Variants in CIB4 observed in about 807,000 individuals in gnomAD.
CIB4 encodes the protein calcium and integrin binding family member 4.
Under a neutral mutation model 25.8 loss-of-function variants are expected in CIB4, and 25 were observed. The observed-to-expected ratio is 0.97, with a 90% CI of 0.71 to 1.35. The LOEUF is 1.35. CIB4 is among the 40% of genes most tolerant of loss of function. The pLI, the probability that CIB4 is intolerant of heterozygous loss-of-function variation, is 0.00. For missense variants in CIB4, 235 were observed against 228.2 expected (o/e 1.03, Z -0.19); for synonymous variants, 75 against 81.4 (o/e 0.92, Z 0.42).
chr2:26,615,979 C>T (rs999803376), intron 3 of CIB4, among the ~76,000 whole-genome samples: 4 of 152,214 alleles, frequency 2.6e-5, no homozygotes, highest in East Asian at 1.9e-4. Context: ...TGGCATCAGG[C>T]GTCGGGACCC....
At chr2:26,588,982 TTC>T (rs879914206) in intron 4 of CIB4, among the ~76,000 whole-genome samples, 9,497 of 22,220 alleles carry the variant, frequency 0.43, 2,011 homozygotes, top group South Asian at 0.51. Flanking sequence ...TTCTTCTTTC[TTC>T]TTCTTCTTCT....
At chr2:26,616,220 T>G (rs182919244) in intron 3 of CIB4, among the ~76,000 whole-genome samples, 1 of 152,320 alleles carries the variant, frequency 6.6e-6, no homozygotes, top group East Asian at 1.9e-4. Context: ...TCTCAGGACT[T>G]CCTGGGGGCC....
intron 2 of CIB4, among the ~76,000 whole-genome samples, chr2:26,633,976 C>T (rs540288688): frequency 3.7e-4 from 56 of 152,268 alleles, no homozygotes; most frequent in African/African-American, 1.2e-3. Flanking sequence ...TCTAGTCTTT[C>T]GTGCCTCTCT....
intron 3 of CIB4, among the ~76,000 whole-genome samples, chr2:26,603,337 G>A (rs1668830267): frequency 6.6e-6 from 1 of 152,126 alleles, no homozygotes; most frequent in Non-Finnish European, 1.5e-5. Flanking sequence ...AGCAAAGTTT[G>A]TATTGCATTA....
rs142662830 is a variant in CIB4, at chr2:26,622,633, G to A, written c.186+6777C>T. ...GTTGCCTTTGAGAAGAGGAAATGTG[G>A]CAACCCTCATAGGGCAACTTAACTC... On this transcript the variant is annotated intron_variant, in intron 3 of 6. Transcript: ENST00000288861. 3.4e-3 allele frequency among the ~76,000 whole-genome samples: 512 copies of A among 152,218 alleles called. 3 individuals are homozygous for A. The highest frequency in any genetic ancestry group is 5.6e-3 in the Non-Finnish European group (379 of 68,020).
chr2:26,622,513 A>C (rs1346593693), intron 3 of CIB4, among the ~76,000 whole-genome samples: 2 of 152,078 alleles, frequency 1.3e-5, no homozygotes, highest in Non-Finnish European at 2.9e-5. Context: ...TTCTTAGGGG[A>C]AGTCAAAGGC....
At chr2:26,612,801 G>A (rs1019816451) in intron 3 of CIB4, among the ~76,000 whole-genome samples, 2 of 152,230 alleles carry the variant, frequency 1.3e-5, no homozygotes, top group Admixed American at 6.5e-5. Flanking sequence ...CTTAAGCCCT[G>A]GGGCAGTTTA....
chr2:26,585,605 G>A (rs1558553077), intron 4 of CIB4, among the ~76,000 whole-genome samples: 1 of 152,068 alleles, frequency 6.6e-6, no homozygotes. Flanking sequence ...TGGTCTAAGC[G>A]CTTTGCAGTT....
intron 6 of CIB4, among the ~76,000 whole-genome samples, chr2:26,581,919 C>G (rs1415325020): frequency 6.6e-6 from 1 of 152,196 alleles, no homozygotes; most frequent in African/African-American, 2.4e-5. Flanking sequence ...ACTCAGGAGT[C>G]ACTGAAAGTC....
At chr2:26,586,880 C>A (rs1261021200) in intron 4 of CIB4, among the ~76,000 whole-genome samples, 1 of 152,200 alleles carries the variant, frequency 6.6e-6, no homozygotes, top group African/African-American at 2.4e-5. Flanking sequence ...CAGACAACTT[C>A]TGGGACCATC....
chr2:26,608,055 T>C (rs937069398), intron 3 of CIB4, among the ~76,000 whole-genome samples: 6 of 152,328 alleles, frequency 3.9e-5, no homozygotes, highest in Admixed American at 3.9e-4. Context: ...CTGGCCAACA[T>C]GTTGAAACCC....
In CIB4 at chr2:26,613,158, C is replaced by T. The variant is rs192023807; in HGVS notation, c.186+16252G>A. 3.9e-3 allele frequency among the ~76,000 whole-genome samples: 593 copies of T among 152,312 alleles called. 4 individuals are homozygous for T. The highest frequency in any genetic ancestry group is 0.013 in the African/African-American group (547 of 41,588). ...TTCCCACCGGAGCCTGATCCCCCAG[C>T]TTATGCCTGGAGGCCTCCAGCACCT... is the stretch of plus-strand genomic sequence containing the variant. On this transcript the variant is annotated intron_variant, in intron 3 of 6. Transcript: ENST00000288861.
chr2:26,621,536 C>T (rs1382667151), intron 3 of CIB4, among the ~76,000 whole-genome samples: 1 of 151,730 alleles, frequency 6.6e-6, no homozygotes, highest in South Asian at 2.1e-4. Context: ...CCTATCTCTA[C>T]AAAAAATAAA....
intron 2 of CIB4, among the ~76,000 whole-genome samples, chr2:26,633,650 G>T: frequency 6.6e-6 from 1 of 152,158 alleles, no homozygotes; most frequent in Non-Finnish European, 1.5e-5. Flanking sequence ...TCCAAATATG[G>T]ATCAGCTGGC....
chr2:26,608,326 C>T (rs577964323), intron 3 of CIB4, among the ~76,000 whole-genome samples: 12 of 152,078 alleles, frequency 7.9e-5, no homozygotes, highest in African/African-American at 2.9e-4. Context: ...TACATTTCAC[C>T]TCGCTCTGCA....
At chr2:26,589,671 T>C (rs905152709) in intron 4 of CIB4, among the ~76,000 whole-genome samples, 24 of 152,200 alleles carry the variant, frequency 1.6e-4, no homozygotes, top group Admixed American at 1.3e-4. Flanking sequence ...CTTACTAACA[T>C]AACTGCAGTT....
chr2:26,626,022 G>C (rs1214185357), intron 3 of CIB4, among the ~76,000 whole-genome samples: 3 of 152,174 alleles, frequency 2.0e-5, no homozygotes, highest in Non-Finnish European at 4.4e-5. Context: ...TTTTTGTTGT[G>C]TGTCAAAGAT....
chr2:26,616,164 G>A (rs1327268454), intron 3 of CIB4, among the ~76,000 whole-genome samples: 3 of 152,216 alleles, frequency 2.0e-5, no homozygotes, highest in Non-Finnish European at 4.4e-5. Context: ...GAGTAAGTGA[G>A]ATGATGCATG....
chr2:26,613,253 G>A (rs1305319512), intron 3 of CIB4, among the ~76,000 whole-genome samples: 1 of 152,072 alleles, frequency 6.6e-6, no homozygotes, highest in Non-Finnish European at 1.5e-5. Flanking sequence ...CCAACAGAAG[G>A]GGCCCCAAGG....
Sources: allele counts gnomAD v4.1 joint callset (sites outside exome capture counted in the v4.1 genomes callset), GRCh38; gene constraint gnomAD v4.1.1; transcripts MANE v1.5; gene names NCBI Gene and HGNC (gene_info 2026-07-23, HGNC 2026-07-21).